Variants in COL24A1 observed in about 807,000 individuals in gnomAD.
COL24A1 encodes collagen type XXIV alpha 1 chain.
A neutral mutation model predicts 253.9 loss-of-function variants in COL24A1; 224 were observed. The ratio of observed to expected loss-of-function variants is 0.88; its 90% CI spans 0.79 to 0.99. The LOEUF is 0.99. Ranked by LOEUF, COL24A1 falls within the 50% of genes least tolerant of loss-of-function variation. The pLI, the probability that COL24A1 is intolerant of heterozygous loss-of-function variation, is 0.00. For missense variants in COL24A1, 2,131 were observed against 2,068.5 expected (o/e 1.03, Z -0.59); for synonymous variants, 685 against 673.7 (o/e 1.02, Z -0.26).
intron 34 of COL24A1, 71 bp downstream of exon 34, chr1:85,875,206 T>G (rs1190183377): frequency 1.4e-5 from 18 of 1,307,516 alleles, no homozygotes; most frequent in Non-Finnish European, 1.7e-5. Flanking sequence ...TATAGGGGAT[T>G]CAATGGTAGC....
intron 2 of COL24A1, among the ~76,000 whole-genome samples, chr1:86,139,795 G>T (rs1650817455): frequency 6.6e-6 from 1 of 152,010 alleles, no homozygotes; most frequent in Non-Finnish European, 1.5e-5. Context: ...CACCAAATTT[G>T]CAAATGAGAA....
chr1:85,954,301 A>C (rs1690220892), intron 24 of COL24A1, among the ~76,000 whole-genome samples: 1 of 152,228 alleles, frequency 6.6e-6, no homozygotes, highest in African/African-American at 2.4e-5. Context: ...TCAAACCATA[A>C]TATGGTACAT....
intron 42 of COL24A1, among the ~76,000 whole-genome samples, chr1:85,840,154 T>C (rs993439714): frequency 2.6e-5 from 4 of 152,196 alleles, no homozygotes; most frequent in Non-Finnish European, 4.4e-5. Context: ...AGTCTTTTAA[T>C]ATATTTATTA....
intron 7 of COL24A1, among the ~76,000 whole-genome samples, chr1:86,077,145 A>G (rs943080863): frequency 3.3e-5 from 5 of 152,210 alleles, no homozygotes; most frequent in Admixed American, 6.5e-5. Context: ...CAAATTCACA[A>G]GAAGAAAACA....
intron 32 of COL24A1, among the ~76,000 whole-genome samples, chr1:85,880,455 C>G (rs1231429176): frequency 6.6e-6 from 1 of 152,136 alleles, no homozygotes; most frequent in African/African-American, 2.4e-5. Flanking sequence ...GACAGCCATG[C>G]CATATACAAA....
chr1:85,898,346 A>T (rs148187544), intron 28 of COL24A1, among the ~76,000 whole-genome samples: 244 of 152,146 alleles, frequency 1.6e-3, no homozygotes, highest in African/African-American at 5.2e-3. Flanking sequence ...CTTCTTGGGA[A>T]CTCTTAGGGT....
At chr1:85,879,391 T>C (rs1364188874) in intron 32 of COL24A1, among the ~76,000 whole-genome samples, 1 of 152,128 alleles carries the variant, frequency 6.6e-6, no homozygotes, top group Admixed American at 6.6e-5. Context: ...TTGTCACAGA[T>C]CACTTGATTT....
At chr1:85,818,387 G>A (rs1165616157) in intron 45 of COL24A1, among the ~76,000 whole-genome samples, 2 of 152,150 alleles carry the variant, frequency 1.3e-5, no homozygotes, top group East Asian at 3.9e-4. Context: ...TTCAGGAAGG[G>A]CCTTGATCTC....
In COL24A1 at chr1:85,940,361, G is replaced by A. The variant is rs1571302556; in HGVS notation, c.2562+20888C>T. Among the ~76,000 whole-genome samples, 2 of 12,518 alleles carry A rather than the reference G, an allele frequency of 1.6e-4. 1 individual carries two copies. The highest frequency in any genetic ancestry group is 3.5e-4 in the Non-Finnish European group (2 of 5,748). The allele number at this position is 12,518 out of a possible 152,430, so 8.2% of individuals were successfully genotyped here. On this transcript the variant is annotated intron_variant, in intron 24 of 59. Coordinates refer to ENST00000370571, the MANE Select transcript of COL24A1 (RefSeq NM_152890.7). ...GGAGCTTGCAGTGAGCCGAGATCGC[G>A]CCACTGCACTCCAGCCTGGGCGACA...
In COL24A1 at chr1:85,868,918, T is replaced by A. The variant is rs555042445; in HGVS notation, c.3139-83A>T. ...TTTTATTTTTAGCCCATAGTATATA[T>A]GGAAAATAGCAAATTTGTGTTCACT... On this transcript the variant is annotated intron_variant, in intron 35 of 59. Coordinates refer to ENST00000370571, the MANE Select transcript of COL24A1 (RefSeq NM_152890.7). The A allele has an allele frequency of 5.0e-4, 448 of 903,940 alleles. 5 individuals are homozygous for A. The African/African-American group carries it at 6.9e-3, about 14-fold the overall frequency. The allele number at this position is 903,940 out of a possible 1,614,324, so 56.0% of individuals were successfully genotyped here. A position where few individuals can be genotyped will look rare whatever the true frequency, so the allele number is the denominator to read the frequency against.
intron 24 of COL24A1, among the ~76,000 whole-genome samples, chr1:85,956,566 G>C (rs1413181240): frequency 6.6e-6 from 1 of 152,184 alleles, no homozygotes; most frequent in Admixed American, 6.5e-5. Context: ...AATCAAATAA[G>C]TTGGGTTATG....
intron 2 of COL24A1, among the ~76,000 whole-genome samples, chr1:86,134,336 G>A (rs1572039489): frequency 6.6e-6 from 1 of 151,824 alleles, no homozygotes; most frequent in Non-Finnish European, 1.5e-5. Context: ...GGTTTTTTGT[G>A]TCTCCATTTC....
intron 14 of COL24A1, among the ~76,000 whole-genome samples, chr1:86,031,623 A>G (rs1004440735): frequency 6.6e-6 from 1 of 152,188 alleles, no homozygotes; most frequent in African/African-American, 2.4e-5. Flanking sequence ...TTTAGCGCAC[A>G]GGTACAAATA....
chr1:86,138,501 G>C (rs143934570), intron 2 of COL24A1, among the ~76,000 whole-genome samples: 2 of 152,020 alleles, frequency 1.3e-5, no homozygotes, highest in Non-Finnish European at 2.9e-5. Flanking sequence ...TGTTTTTCTC[G>C]CAATAGTGAA....
At chr1:86,060,363 T>C (rs1030342296) in intron 8 of COL24A1, among the ~76,000 whole-genome samples, 12 of 152,110 alleles carry the variant, frequency 7.9e-5, no homozygotes, top group African/African-American at 2.7e-4. Flanking sequence ...ATTTATCACC[T>C]AAAATTTCTT....
chr1:85,922,500 TG>T, intron 24 of COL24A1, among the ~76,000 whole-genome samples: 1 of 151,864 alleles, frequency 6.6e-6, no homozygotes, highest in Non-Finnish European at 1.5e-5. Context: ...CAGAAGAGAG[TG>T]GGGGGCCAAT....
intron 55 of COL24A1, among the ~76,000 whole-genome samples, chr1:85,757,876 A>C (rs1666429586): frequency 6.6e-6 from 1 of 152,206 alleles, no homozygotes. Context: ...GGATCAAATA[A>C]GGAAAAATAA....
intron 55 of COL24A1, among the ~76,000 whole-genome samples, chr1:85,758,436 C>A (rs888794285): frequency 6.6e-6 from 1 of 152,096 alleles, no homozygotes; most frequent in African/African-American, 2.4e-5. Flanking sequence ...CTGTTCTTCC[C>A]TTTATTCTAC....
chr1:86,034,223 A>C (rs944965615), intron 12 of COL24A1, among the ~76,000 whole-genome samples: 1 of 152,138 alleles, frequency 6.6e-6, no homozygotes, highest in Non-Finnish European at 1.5e-5. Flanking sequence ...AATGAAAGGA[A>C]AAACAATGAA....
Sources: gnomAD v4.1 joint callset for allele counts (sites outside exome capture counted in the v4.1 genomes callset) on GRCh38, gnomAD v4.1.1 for gene constraint, MANE v1.5 for transcripts, NCBI Gene and HGNC (gene_info 2026-07-23, HGNC 2026-07-21) for gene names.